SCP2: variants seen among roughly 807,000 people sequenced by gnomAD.
SCP2 encodes SCP-2/3-oxoacyl-CoA thiolase.
A neutral mutation model predicts 71.4 loss-of-function variants in SCP2; 48 were observed. That is an observed-to-expected ratio of 0.67 (90% confidence interval 0.53 to 0.86). The LOEUF (loss-of-function observed/expected upper bound fraction) is 0.86. Ranked by LOEUF, SCP2 falls within the 40% of genes least tolerant of loss-of-function variation. SCP2 has a pLI of 0.00. For missense variants in SCP2, 560 were observed against 655.6 expected, an observed-to-expected ratio of 0.85 and a Z score of 1.59; for synonymous variants, 220 against 218.1, an observed-to-expected ratio of 1.01 and a Z score of -0.08.
At position 52,955,758 on chromosome 1, in the gene SCP2, A is replaced by G. The variant is rs753330969; in HGVS notation, c.396+954A>G. Among the ~76,000 whole-genome samples the G allele has an allele frequency of 4.0e-4, 61 of 152,300 alleles. 1 individual carries two copies. The highest frequency in any genetic ancestry group is 6.8e-3 in the Middle Eastern group (2 of 294). On this transcript the variant is annotated intron_variant, in intron 5 of 15. Transcript: ENST00000371514. The stretch of plus-strand genomic sequence containing the variant: ...GAACCCTTCAAATAAAATTTTAAGG[A>G]CACGCAGTTAAAGATAACCAAGGAT...
At chr1:52,966,189 C>A (rs1400901909) in intron 6 of SCP2, among the ~76,000 whole-genome samples, 1 of 152,090 alleles carries the variant, frequency 6.6e-6, no homozygotes, top group South Asian at 2.1e-4. Flanking sequence ...CAGTAAGCAT[C>A]CTTGTCCTGT....
chr1:53,015,300 G>A lies in SCP2; in HGVS notation c.1235+257G>A, dbSNP rs76936813. On this transcript the variant is annotated intron_variant, in intron 12 of 15. Transcript: ENST00000371514. ...TAGAAGCCTGAGCTAGCTGGGTATGGGTCTCGGCCCTAGCAACCTAAGTTA... is the reference window on the plus strand; with the variant it reads ...TAGAAGCCTGAGCTAGCTGGGTATGAGTCTCGGCCCTAGCAACCTAAGTTA... 3.6e-3 allele frequency among the ~76,000 whole-genome samples: 549 copies of A among 152,244 alleles called. 3 individuals are homozygous for A. The highest frequency in any genetic ancestry group is 0.013 in the African/African-American group (527 of 41,538).
At chr1:52,947,818 C>T (rs186807350) in intron 2 of SCP2, among the ~76,000 whole-genome samples, 191 bp from the exon 3 acceptor site, 124 of 152,182 alleles carry the variant, frequency 8.1e-4, no homozygotes, top group Non-Finnish European at 1.5e-3. Flanking sequence ...AAAAGTGATG[C>T]AGTAGCTTAG....
At chr1:53,049,871 G>A (rs540420427) in intron 15 of SCP2, 1 of 152,252 alleles carries the variant, frequency 6.6e-6, no homozygotes, top group Non-Finnish European at 1.5e-5. Context: ...TAAAAACCTA[G>A]GACTACCAGA....
At chr1:53,032,562 C>T (rs567741072) in intron 13 of SCP2, among the ~76,000 whole-genome samples, 1 of 152,112 alleles carries the variant, frequency 6.6e-6, no homozygotes, top group Non-Finnish European at 1.5e-5. Flanking sequence ...CACGTAAGTT[C>T]ATGGAATTCA....
At position 52,952,153 on chromosome 1, in the gene SCP2, T is replaced by C. The variant is rs1164451848; in HGVS notation, c.331+1267T>C. Among the ~76,000 whole-genome samples, 3 of 152,152 alleles carry C rather than the reference T, an allele frequency of 2.0e-5. No individual in the cohort carries two copies. The East Asian group carries it at 5.8e-4, about 29-fold the overall frequency. ...TCTATTTTCTCCTCCCCTCAGTCCCTAGAAACCACTAATTTACTTTCTTTT... is the reference window on the plus strand; with the variant it reads ...TCTATTTTCTCCTCCCCTCAGTCCCCAGAAACCACTAATTTACTTTCTTTT... On this transcript the variant is annotated intron_variant, in intron 4 of 15. Transcript: ENST00000371514.
chr1:52,932,640 A>G (rs1161999300), intron 1 of SCP2, among the ~76,000 whole-genome samples: 1 of 152,204 alleles, frequency 6.6e-6, no homozygotes, highest in Admixed American at 6.5e-5. Flanking sequence ...CTAGAAAAAA[A>G]CATTTTGACC....
chr1:53,000,973 A>G lies in SCP2; in HGVS notation c.1081+12837A>G, dbSNP rs191792276. On this transcript the variant is annotated intron_variant, in intron 11 of 15. Coordinates refer to ENST00000371514, the MANE Select transcript of SCP2 (RefSeq NM_002979.5). ...TTGTCTCCAAAAAAAGAAAAAAATT[A>G]TATATATATATTACATATGTTCTCT... Among the ~76,000 whole-genome samples, 370 of 151,750 alleles carry G rather than the reference A, an allele frequency of 2.4e-3. 1 individual carries two copies. Among genetic ancestry groups the G allele is most frequent in the Middle Eastern group, 0.017 (5 of 292 alleles).
intron 13 of SCP2, among the ~76,000 whole-genome samples, chr1:53,037,879 TAC>T (rs34293671): frequency 0.12 from 10,092 of 84,292 alleles, 559 homozygotes; most frequent in Non-Finnish European, 0.15. Flanking sequence ...TGTCTCTACA[TAC>T]ACACACACAC....
chr1:53,028,638 A>G (rs1034233847), intron 13 of SCP2, among the ~76,000 whole-genome samples: 1 of 152,170 alleles, frequency 6.6e-6, no homozygotes, highest in Non-Finnish European at 1.5e-5. Flanking sequence ...AACCTTTTAA[A>G]CAAAAGTTTA....
chr1:53,018,114 C>G (rs1193656816), intron 12 of SCP2, among the ~76,000 whole-genome samples: 2 of 152,176 alleles, frequency 1.3e-5, no homozygotes, highest in Admixed American at 1.3e-4. Context: ...CTCTGCCTCC[C>G]AAAGTGCTGA....
At chr1:52,941,072 G>A (rs1301102023) in intron 1 of SCP2, among the ~76,000 whole-genome samples, 1 of 152,140 alleles carries the variant, frequency 6.6e-6, no homozygotes, top group African/African-American at 2.4e-5. Context: ...TCCACTTTAT[G>A]TTTTAACCTA....
At chr1:53,029,383 C>T (rs1662365218) in intron 13 of SCP2, among the ~76,000 whole-genome samples, 1 of 151,740 alleles carries the variant, frequency 6.6e-6, no homozygotes, top group African/African-American at 2.4e-5. Context: ...TTCACCTTGG[C>T]CCCCCAAAGT....
intron 11 of SCP2, chr1:52,994,302 T>C: frequency 1.0e-6 from 1 of 997,084 alleles, no homozygotes; most frequent in Non-Finnish European, 1.2e-6. Context: ...ACAGCTTCCT[T>C]ACGCATATAG....
rs545984711 is a variant in SCP2, at chr1:52,984,686, C to A, written c.974-3343C>A. Among the ~76,000 whole-genome samples, 316 of 151,024 alleles carry A rather than the reference C, an allele frequency of 2.1e-3. 1 individual carries two copies. The highest frequency in any genetic ancestry group is 7.4e-3 in the African/African-American group (305 of 41,196). ...CCGAGTAGCTGGGATTGCAGGCATG[C>A]GCCACCATGCCCAGCTAATTTTGTA... On this transcript the variant is annotated intron_variant, in intron 10 of 15. Transcript: ENST00000371514.
intron 11 of SCP2, among the ~76,000 whole-genome samples, chr1:53,001,444 T>G (rs1296183409): frequency 3.3e-5 from 5 of 152,216 alleles, no homozygotes; most frequent in African/African-American, 1.2e-4. Flanking sequence ...AATTCCTTCT[T>G]GCCTATACAA....
intron 13 of SCP2, among the ~76,000 whole-genome samples, chr1:53,030,908 TAAAA>T (rs59298380): frequency 2.6e-5 from 2 of 75,926 alleles, no homozygotes; most frequent in Admixed American, 1.5e-4. Context: ...TCAAAAAAAT[TAAAA>T]AAAAAAAAAA....
intron 6 of SCP2, among the ~76,000 whole-genome samples, chr1:52,964,983 C>G (rs2150148474): frequency 6.6e-6 from 1 of 152,226 alleles, no homozygotes; most frequent in African/African-American, 2.4e-5. Flanking sequence ...TGCACTCTAG[C>G]CTGGGCAACA....
chr1:53,049,629 G>C (rs1007352465), intron 15 of SCP2: 10 of 152,146 alleles, frequency 6.6e-5, no homozygotes, highest in Admixed American at 5.9e-4. Flanking sequence ...TGTACTACTG[G>C]TCCGTATTTT....
Sources: allele counts gnomAD v4.1 joint callset (sites outside exome capture counted in the v4.1 genomes callset), GRCh38; gene constraint gnomAD v4.1.1; transcripts MANE v1.5; gene names NCBI Gene and HGNC (gene_info 2026-07-23, HGNC 2026-07-21).